The following GRID2 variants were observed in gnomAD, a reference collection of about 807,000 sequenced individuals.
The protein encoded by GRID2 is glutamate ionotropic receptor delta type subunit 2, also known as glutamate receptor ionotropic, delta-2.
Under a neutral mutation model 114.8 loss-of-function variants are expected in GRID2, and 33 were observed. That is an observed-to-expected ratio of 0.29 (90% CI 0.22 to 0.38). GRID2 has a LOEUF of 0.38. Among genes scored for constraint, GRID2 ranks in the 10% least tolerant of loss-of-function variants. The pLI is 1.00. For missense variants in GRID2, 1,184 were observed against 1,257.7 expected (o/e 0.94, Z 0.89); for synonymous variants, 505 against 449.9 (o/e 1.12, Z -1.55).
chr4:92,524,419 T>G (rs74650430), intron 1 of GRID2, among the ~76,000 whole-genome samples: 1 of 148,080 alleles, frequency 6.8e-6, no homozygotes, highest in Admixed American at 6.8e-5. Context: ...TTTTTTTTTT[T>G]TTTTTTTTTT....
At chr4:92,744,835 T>C (rs1438353046) in intron 2 of GRID2, among the ~76,000 whole-genome samples, 2 of 152,226 alleles carry the variant, frequency 1.3e-5, no homozygotes, top group African/African-American at 4.8e-5. Flanking sequence ...TATGTAATTA[T>C]GCTCCATTTC....
Position 93,438,504 on chromosome 4 carries a change from A to G in GRID2, c.1545+15536A>G, listed in dbSNP as rs1054029713. On this transcript the variant is annotated intron_variant, in intron 10 of 15. Coordinates refer to ENST00000282020, the MANE Select transcript of GRID2 (RefSeq NM_001510.4). ...TTACAAAAGAGAAAAATGTGATTTA[A>G]CTTACGTTTAAGAAAGATAGCTGAG... Among the ~76,000 whole-genome samples, 12 of 152,210 alleles carry G rather than the reference A, an allele frequency of 7.9e-5. No homozygotes were observed. In the South Asian group the frequency reaches 2.5e-3, roughly 32 times the overall value.
intron 1 of GRID2, among the ~76,000 whole-genome samples, chr4:92,527,485 A>T (rs1188100285): frequency 1.3e-5 from 2 of 152,124 alleles, no homozygotes; most frequent in Non-Finnish European, 2.9e-5. Flanking sequence ...TGTGGGAAGA[A>T]GTAGCAGGAA....
chr4:93,791,182 A>T (rs754999054), intron 1 of GRID2, among the ~76,000 whole-genome samples: 1 of 152,192 alleles, frequency 6.6e-6, no homozygotes, highest in Non-Finnish European at 1.5e-5. Flanking sequence ...AATTTTGTGC[A>T]ATCTTGTAAA....
At chr4:93,599,798 A>G (rs1026320863) in intron 13 of GRID2, among the ~76,000 whole-genome samples, 1 of 152,274 alleles carries the variant, frequency 6.6e-6, no homozygotes, top group Middle Eastern at 3.4e-3. Flanking sequence ...ACAGATCAAG[A>G]CAGCTAGCAT....
chr4:93,604,632 T>C (rs185039412), intron 13 of GRID2, among the ~76,000 whole-genome samples: 1 of 152,302 alleles, frequency 6.6e-6, no homozygotes, highest in African/African-American at 2.4e-5. Flanking sequence ...AGAAATCTTT[T>C]GTGAAAGAAA....
At chr4:92,771,894 G>A (rs893548672) in intron 2 of GRID2, among the ~76,000 whole-genome samples, 6 of 152,046 alleles carry the variant, frequency 3.9e-5, no homozygotes, top group East Asian at 1.9e-4. Context: ...TCACTGTCAG[G>A]AATCATGTAT....
At chr4:92,523,152 A>G (rs903130701) in intron 1 of GRID2, among the ~76,000 whole-genome samples, 1 of 152,056 alleles carries the variant, frequency 6.6e-6, no homozygotes, top group African/African-American at 2.4e-5. Flanking sequence ...AGTAAAAATC[A>G]TCATGGCCAT....
At chr4:93,514,261 C>A (rs1729473882) in intron 12 of GRID2, among the ~76,000 whole-genome samples, 2 of 151,896 alleles carry the variant, frequency 1.3e-5, no homozygotes, top group Non-Finnish European at 2.9e-5. Context: ...GGAAATCGAC[C>A]ACCAATTTAG....
chr4:92,539,830 A>G (rs543709061), intron 1 of GRID2, among the ~76,000 whole-genome samples: 1 of 152,270 alleles, frequency 6.6e-6, no homozygotes, highest in Non-Finnish European at 1.5e-5. Flanking sequence ...ATTATCACTG[A>G]AATGTCCTGG....
chr4:92,578,225 A>G (rs542454534), intron 1 of GRID2, among the ~76,000 whole-genome samples: 3 of 149,148 alleles, frequency 2.0e-5, no homozygotes, highest in Non-Finnish European at 4.5e-5. Context: ...CCATTGACTT[A>G]TCATTTAGCA....
At chr4:92,906,076 T>C (rs1267954647) in intron 2 of GRID2, among the ~76,000 whole-genome samples, 3 of 152,102 alleles carry the variant, frequency 2.0e-5, no homozygotes, top group Admixed American at 6.5e-5. Context: ...GAATAGTTTA[T>C]GTTTGGTACA....
chr4:93,011,572 C>CG (rs1217991232), intron 2 of GRID2, among the ~76,000 whole-genome samples: 16 of 152,032 alleles, frequency 1.1e-4, no homozygotes, highest in Admixed American at 5.9e-4. Flanking sequence ...CTTACCATTT[C>CG]AGAGATTGCA....
chr4:93,499,029 T>G (rs1727843459), intron 12 of GRID2, among the ~76,000 whole-genome samples: 1 of 151,920 alleles, frequency 6.6e-6, no homozygotes, highest in African/African-American at 2.4e-5. Flanking sequence ...TTTTATTGAT[T>G]GGTATGCTCG....
intron 8 of GRID2, among the ~76,000 whole-genome samples, chr4:93,341,308 G>A (rs745650387): frequency 1.4e-4 from 21 of 148,310 alleles, no homozygotes; most frequent in Non-Finnish European, 2.1e-4. Context: ...GTAATTTGTA[G>A]CCTCTTAGTC....
intron 10 of GRID2, among the ~76,000 whole-genome samples, chr4:93,441,489 C>CTT (rs34789456): frequency 1.3e-5 from 2 of 151,652 alleles, no homozygotes; most frequent in Admixed American, 6.6e-5. Context: ...TCCTCTTTCT[C>CTT]TTTTTTTGCA....
chr4:93,085,556 G>A (rs1165689968), intron 3 of GRID2, among the ~76,000 whole-genome samples: 1 of 152,024 alleles, frequency 6.6e-6, no homozygotes, highest in East Asian at 1.9e-4. Context: ...AATACATCTT[G>A]ATTTTTCAAC....
chr4:93,657,839 A>C lies in GRID2; in HGVS notation c.2360+31404A>C, dbSNP rs554015597. Among the ~76,000 whole-genome samples, 7 of 152,322 alleles carry C rather than the reference A, an allele frequency of 4.6e-5. 1 individual carries two copies. The South Asian group carries it at 1.4e-3, about 32-fold the overall frequency. On this transcript the variant is annotated intron_variant, in intron 14 of 15. Coordinates refer to ENST00000282020, the MANE Select transcript of GRID2 (RefSeq NM_001510.4). Reference sequence around the variant, plus strand: ...ACAGAGTCTATAGCTAGATTGCCTAAGGTACAAATTTCTTGTAGAACCCAA... The same window carrying C: ...ACAGAGTCTATAGCTAGATTGCCTACGGTACAAATTTCTTGTAGAACCCAA...
chr4:93,126,984 G>A (rs558384846), intron 4 of GRID2, among the ~76,000 whole-genome samples: 180 of 152,208 alleles, frequency 1.2e-3, no homozygotes, highest in African/African-American at 4.0e-3. Flanking sequence ...ATAATAGCTA[G>A]CTAGCATTTA....
Sources: gnomAD v4.1 joint callset for allele counts (sites outside exome capture counted in the v4.1 genomes callset) on GRCh38, gnomAD v4.1.1 for gene constraint, MANE v1.5 for transcripts, NCBI Gene and HGNC (gene_info 2026-07-23, HGNC 2026-07-21) for gene names.